The following HPSE2 variants were observed in gnomAD, a reference collection of about 807,000 sequenced individuals.
HPSE2 encodes the protein inactive heparanase-2.
In HPSE2, 38 loss-of-function variants were observed where a neutral mutation model predicts 60.5. The ratio of observed to expected loss-of-function variants is 0.63; its 90% CI spans 0.48 to 0.82. HPSE2 has a LOEUF of 0.82. Ranked by LOEUF, HPSE2 falls within the 40% of genes least tolerant of loss-of-function variation. HPSE2 has a pLI of 0.00. For synonymous variants in HPSE2, 295 were observed against 293.2 expected, an observed-to-expected ratio of 1.01 and a Z score of -0.06; for missense variants, 713 against 740.4, an observed-to-expected ratio of 0.96 and a Z score of 0.43.
intron 9 of HPSE2, among the ~76,000 whole-genome samples, chr10:98,543,165 G>A (rs1190183976): frequency 6.6e-6 from 1 of 151,578 alleles, no homozygotes; most frequent in Non-Finnish European, 1.5e-5. Context: ...GAGAGTGGGG[G>A]CCAATATTCA....
At chr10:98,742,974 CTT>C (rs35772316) in intron 4 of HPSE2, among the ~76,000 whole-genome samples, 58 of 99,744 alleles carry the variant, frequency 5.8e-4, no homozygotes, top group Middle Eastern at 0.01. Flanking sequence ...CTTTTCTTTT[CTT>C]TTTTTTTTTT....
intron 9 of HPSE2, among the ~76,000 whole-genome samples, chr10:98,580,798 T>C (rs1944772812): frequency 7.8e-6 from 1 of 127,530 alleles, no homozygotes. Flanking sequence ...CTTCCCCAAA[T>C]CTGTTTAGTC....
chr10:99,170,456 G>GC (rs1421277563), intron 2 of HPSE2, among the ~76,000 whole-genome samples: 1 of 152,134 alleles, frequency 6.6e-6, no homozygotes, highest in East Asian at 1.9e-4. Context: ...ATGAAAACAT[G>GC]CAATACAATT....
Position 98,762,364 on chromosome 10 carries a change from C to A in HPSE2, c.611-18308G>T, listed in dbSNP as rs192277159. Among the ~76,000 whole-genome samples the A allele has an allele frequency of 4.3e-4, 65 of 152,008 alleles. 1 individual carries two copies. Among genetic ancestry groups the A allele is most frequent in the African/African-American group, 1.6e-3 (65 of 41,444 alleles). ...TGGAACAAAAGAAGTGAGGAAAAGT[C>A]TCTTAAATCCAGAGAGAAGGAGAGA... On this transcript the variant is annotated intron_variant, in intron 3 of 11. Transcript: ENST00000370552.
chr10:98,644,926 G>A (rs765196237), intron 6 of HPSE2, among the ~76,000 whole-genome samples: 31 of 152,230 alleles, frequency 2.0e-4, no homozygotes, highest in African/African-American at 6.7e-4. Flanking sequence ...GGATTGGAGC[G>A]GGAGGAGATA....
intron 9 of HPSE2, among the ~76,000 whole-genome samples, chr10:98,501,065 C>CA (rs201350803): frequency 0.039 from 5,606 of 145,202 alleles, 322 homozygotes; most frequent in African/African-American, 0.13. Context: ...AAATTACCAA[C>CA]AAAAAAAAAA....
At chr10:98,696,395 G>A (rs757663520) in intron 5 of HPSE2, among the ~76,000 whole-genome samples, 12 of 151,734 alleles carry the variant, frequency 7.9e-5, no homozygotes, top group South Asian at 2.1e-4. Flanking sequence ...GGCAGCTGGC[G>A]TGACCCACAG....
chr10:99,152,357 C>T (rs951671778), intron 2 of HPSE2, among the ~76,000 whole-genome samples: 4 of 149,472 alleles, frequency 2.7e-5, no homozygotes, highest in Non-Finnish European at 4.4e-5. Context: ...GCTAGCAGAC[C>T]TGCAACACAA....
intron 2 of HPSE2, among the ~76,000 whole-genome samples, chr10:99,181,874 T>G (rs1455173850): frequency 6.6e-6 from 1 of 151,328 alleles, no homozygotes; most frequent in Non-Finnish European, 1.5e-5. Flanking sequence ...ACTTAAAGTA[T>G]AATTTAAAAA....
At chr10:98,883,386 T>G (rs1953079927) in intron 3 of HPSE2, among the ~76,000 whole-genome samples, 2 of 152,142 alleles carry the variant, frequency 1.3e-5, no homozygotes, top group Non-Finnish European at 1.5e-5. Flanking sequence ...ACTTTATAAT[T>G]CTATGAAAAT....
intron 11 of HPSE2, among the ~76,000 whole-genome samples, chr10:98,466,208 T>A (rs1480487806): frequency 6.6e-6 from 1 of 152,180 alleles, no homozygotes; most frequent in Non-Finnish European, 1.5e-5. Flanking sequence ...CAAGAGGGGA[T>A]CTTTAGTGGG....
intron 3 of HPSE2, among the ~76,000 whole-genome samples, chr10:98,824,069 AT>A (rs1340158784): frequency 6.6e-6 from 1 of 152,246 alleles, no homozygotes; most frequent in Non-Finnish European, 1.5e-5. Flanking sequence ...ATTCTTTAAA[AT>A]AACTCACAGG....
intron 3 of HPSE2, among the ~76,000 whole-genome samples, chr10:99,090,210 G>A (rs1177225098): frequency 6.6e-6 from 1 of 151,958 alleles, no homozygotes; most frequent in Admixed American, 6.6e-5. Context: ...ATCCTATTTA[G>A]AACTGAATAC....
intron 5 of HPSE2, among the ~76,000 whole-genome samples, chr10:98,718,441 T>C (rs1466589892): frequency 6.6e-6 from 1 of 152,160 alleles, no homozygotes; most frequent in Non-Finnish European, 1.5e-5. Flanking sequence ...CCTATGGGTA[T>C]GTATCCAAAA....
At chr10:99,253,709 C>G in the HPSE2 span, among the ~76,000 whole-genome samples, 50,284 of 151,924 alleles carry the variant, frequency 0.33, 11,256 homozygotes, top group African/African-American at 0.64. Flanking sequence ...AACTACTCAC[C>G]CAACAAAGGC....
intron 3 of HPSE2, among the ~76,000 whole-genome samples, chr10:98,997,112 C>CTTT (rs34434956): frequency 0.017 from 2,087 of 119,692 alleles, 119 homozygotes; most frequent in African/African-American, 0.033. Context: ...CAGACCCTTT[C>CTTT]TTTTTTTTTT....
chr10:99,288,687 G>C, the HPSE2 span, among the ~76,000 whole-genome samples: 1 of 123,814 alleles, frequency 8.1e-6, no homozygotes. Flanking sequence ...CAGCAGCCTA[G>C]AGAACAATCA....
At chr10:99,171,993 A>G (rs1181097409) in intron 2 of HPSE2, among the ~76,000 whole-genome samples, 1 of 152,234 alleles carries the variant, frequency 6.6e-6, no homozygotes, top group African/African-American at 2.4e-5. Flanking sequence ...ACAGAATTCT[A>G]AAAATTAAAA....
chr10:98,750,262 C>G (rs1949729207), intron 3 of HPSE2, among the ~76,000 whole-genome samples: 1 of 151,998 alleles, frequency 6.6e-6, no homozygotes, highest in Non-Finnish European at 1.5e-5. Flanking sequence ...CACTGAGAGG[C>G]TGGTGTAGCT....
Sources: allele counts gnomAD v4.1 joint callset (sites outside exome capture counted in the v4.1 genomes callset), GRCh38; gene constraint gnomAD v4.1.1; transcripts MANE v1.5; gene names NCBI Gene and HGNC (gene_info 2026-07-23, HGNC 2026-07-21).